CDH20: variants seen among roughly 807,000 people sequenced by gnomAD.
CDH20 encodes cadherin-20.
In CDH20, 29 loss-of-function variants were observed where a neutral mutation model predicts 74.2. That is an observed-to-expected ratio of 0.39 (90% CI 0.29 to 0.53). The LOEUF (loss-of-function observed/expected upper bound fraction) is 0.53, where lower values mean the gene tolerates loss of function less well. CDH20 is among the 20% of genes least tolerant of loss of function. The pLI, the probability that CDH20 is intolerant of heterozygous loss-of-function variation, is 0.69. For synonymous variants in CDH20, 469 were observed against 405.4 expected (o/e 1.16, Z -1.88); for missense variants, 988 against 1,048.3 (o/e 0.94, Z 0.79).
intron 8 of CDH20, among the ~76,000 whole-genome samples, chr18:61,538,579 T>TGTG (rs1555684271): frequency 6.5e-5 from 1 of 15,420 alleles, no homozygotes; most frequent in Admixed American, 1.0e-3. Flanking sequence ...AAATAACTAC[T>TGTG]TTTTGTTTGT....
At chr18:61,392,030 G>A (rs1336113073) in intron 1 of CDH20, among the ~76,000 whole-genome samples, 6 of 151,996 alleles carry the variant, frequency 3.9e-5, no homozygotes, top group Admixed American at 2.0e-4. Context: ...AATGCTAGCC[G>A]AATCTTTTGC....
chr18:61,382,406 T>C (rs1471171851), intron 1 of CDH20, among the ~76,000 whole-genome samples: 3 of 152,322 alleles, frequency 2.0e-5, no homozygotes, highest in East Asian at 3.9e-4. Context: ...TCCTAGGCTA[T>C]TTCAGCTTAC....
At position 61,444,310 on chromosome 18, in the gene CDH20, T is replaced by C. The variant is rs114820692; in HGVS notation, c.-152-46092T>C. Among the ~76,000 whole-genome samples, 699 of 152,252 alleles carry C rather than the reference T, an allele frequency of 4.6e-3. 8 individuals are homozygous for C. The highest frequency in any genetic ancestry group is 0.016 in the African/African-American group (661 of 41,540). On this transcript the variant is annotated intron_variant, in intron 1 of 11. Coordinates refer to ENST00000262717, the MANE Select transcript of CDH20 (RefSeq NM_031891.4). Reference sequence around the variant, plus strand: ...GGTATGGGTATATAAGACAGGTGTATACATTATTAGACAGATAAAACAATT... The same window carrying C: ...GGTATGGGTATATAAGACAGGTGTACACATTATTAGACAGATAAAACAATT...
At chr18:61,347,319 T>TACACAC (rs33985303) in intron 1 of CDH20, among the ~76,000 whole-genome samples, 3 of 77,400 alleles carry the variant, frequency 3.9e-5, no homozygotes, top group African/African-American at 1.2e-4. Flanking sequence ...TATATATATA[T>TACACAC]ACACACACAC....
At position 61,554,623 on chromosome 18, in the gene CDH20, G is replaced by T; in HGVS notation, c.2334G>T (p.Thr778=). ...CGGAACAGAGCTTCGACTTCCTGAC[G>T]GACTGGGGGCCCCGCTTCCGGAAGC... ...SDSEQSFDFL[T]DWGPRFRKLA... The change falls in exon 12 of 12, where the codon ACG becomes ACT. Residue 778 remains threonine (T), a synonymous_variant. Transcript: ENST00000262717. 2 of 1,605,716 alleles carry T rather than the reference G, an allele frequency of 1.2e-6. No homozygotes were observed. The highest frequency in any genetic ancestry group is 1.7e-6 in the Non-Finnish European group (2 of 1,176,748).
At position 61,474,900 on chromosome 18, in the gene CDH20, TGAA is replaced by T. The variant is rs1182267248; in HGVS notation, c.-152-15497_-152-15495del. On this transcript the variant is annotated intron_variant, in intron 1 of 11. Coordinates refer to ENST00000262717, the MANE Select transcript of CDH20 (RefSeq NM_031891.4). ...AGGCATCTGTCTTCGAGCAAAAACA[TGAA>T]GAAGGTATTAAAATACAGCATTTAT... 3.3e-5 allele frequency among the ~76,000 whole-genome samples: 5 copies of T among 152,146 alleles called. No homozygotes were observed. The South Asian group carries it at 1.0e-3, about 32-fold the overall frequency.
intron 2 of CDH20, among the ~76,000 whole-genome samples, chr18:61,495,168 CA>C (rs1287425679): frequency 2.3e-4 from 35 of 152,184 alleles, no homozygotes; most frequent in African/African-American, 8.4e-4. Flanking sequence ...TACCTTCCTC[CA>C]AATAGCTGGT....
At chr18:61,551,086 T>G (rs1159433010) in intron 11 of CDH20, among the ~76,000 whole-genome samples, 1 of 152,192 alleles carries the variant, frequency 6.6e-6, no homozygotes, top group African/African-American at 2.4e-5. Flanking sequence ...CCCTTCCTTC[T>G]TCCTCTCAAG....
chr18:61,399,576 C>T (rs1211747939), intron 1 of CDH20, among the ~76,000 whole-genome samples: 1 of 152,096 alleles, frequency 6.6e-6, no homozygotes, highest in Non-Finnish European at 1.5e-5. Context: ...CATACTACTG[C>T]CATTTTTTTC....
At chr18:61,449,750 T>G (rs1462315688) in intron 1 of CDH20, among the ~76,000 whole-genome samples, 1 of 150,958 alleles carries the variant, frequency 6.6e-6, no homozygotes, top group African/African-American at 2.4e-5. Flanking sequence ...GCCCAGATTT[T>G]AAAATAGAAA....
At chr18:61,340,223 C>CTTTTTTTTTT (rs377479758) in intron 1 of CDH20, among the ~76,000 whole-genome samples, 1 of 18,810 alleles carries the variant, frequency 5.3e-5, no homozygotes, top group Non-Finnish European at 1.4e-4. Flanking sequence ...AATCTTCAGC[C>CTTTTTTTTTT]TTCTTTTTTT....
At chr18:61,421,136 A>G (rs1444108553) in intron 1 of CDH20, among the ~76,000 whole-genome samples, 9 of 152,228 alleles carry the variant, frequency 5.9e-5, no homozygotes, top group African/African-American at 2.2e-4. Flanking sequence ...CCAAACTTAA[A>G]TAGCTAACGA....
At chr18:61,515,538 A>G (rs1025681551) in intron 6 of CDH20, among the ~76,000 whole-genome samples, 1 of 152,050 alleles carries the variant, frequency 6.6e-6, no homozygotes, top group Admixed American at 6.5e-5. Flanking sequence ...CCAAATGTCC[A>G]ACAATGATAG....
At chr18:61,472,857 A>G (rs998260690) in intron 1 of CDH20, among the ~76,000 whole-genome samples, 3 of 152,190 alleles carry the variant, frequency 2.0e-5, no homozygotes, top group African/African-American at 4.8e-5. Flanking sequence ...AAGCAAAGCA[A>G]ATTTCTTTCA....
chr18:61,349,504 GT>G (rs1192745472), intron 1 of CDH20, among the ~76,000 whole-genome samples: 1 of 152,142 alleles, frequency 6.6e-6, no homozygotes, highest in Non-Finnish European at 1.5e-5. Context: ...ACTCCATTCT[GT>G]TTTTGCCATG....
intron 1 of CDH20, among the ~76,000 whole-genome samples, chr18:61,347,321 C>CATATATATATATATATATAT (rs1286257844): frequency 3.8e-5 from 1 of 26,436 alleles, no homozygotes; most frequent in African/African-American, 1.0e-4. Context: ...TATATATATA[C>CATATATATATATATATATAT]ACACACACAC....
At chr18:61,459,344 T>A (rs1470313130) in intron 1 of CDH20, among the ~76,000 whole-genome samples, 2 of 152,198 alleles carry the variant, frequency 1.3e-5, no homozygotes, top group African/African-American at 4.8e-5. Context: ...TGTTCTGCAA[T>A]GGCAAGTTTC....
In CDH20 at chr18:61,500,435, C is replaced by T. The variant is rs770246700; in HGVS notation, c.594C>T (p.Gly198=). Residue 198 remains glycine, a synonymous_variant, in exon 4 of 12, where the codon GGC becomes GGT. Coordinates refer to ENST00000262717, the MANE Select transcript of CDH20 (RefSeq NM_031891.4). ...TATDADDPTY[G]NSARVVYSIL... ...CAGATGCAGATGACCCGACCTACGG[C>T]AACAGTGCCAGGGTGGTGTACAGCA... is the stretch of plus-strand genomic sequence containing the variant. The T allele has an allele frequency of 6.2e-6, 10 of 1,613,218 alleles. No homozygotes were observed. Among genetic ancestry groups the T allele is most frequent in the Non-Finnish European group, 8.5e-6 (10 of 1,179,376 alleles).
In CDH20 at chr18:61,554,529, C is replaced by T. The variant is rs763708857; in HGVS notation, c.2240C>T (p.Thr747Met). ...LWAPPFDSLQ[T>M]YMFEGDGSVA... ...GCACCGCCCTTCGACTCCCTCCAGACGTATATGTTCGAGGGGGACGGCTCT... is the reference window on the plus strand; with the variant it reads ...GCACCGCCCTTCGACTCCCTCCAGATGTATATGTTCGAGGGGGACGGCTCT... Residue 747 changes from threonine (T) to methionine (M), a missense_variant, in exon 12 of 12, where the codon ACG becomes ATG. Physicochemically the swap from Thr to Met is moderately conservative, Grantham distance 81. This residue lies in a region of CDH20 where 375 missense variants were observed against 293.1 expected (regional missense o/e 1.28). Transcript: ENST00000262717. 6.2e-6 allele frequency: 10 copies of T among 1,612,920 alleles called. No homozygotes were observed. The highest frequency in any genetic ancestry group is 1.7e-5 in the Admixed American group (1 of 59,960).
Sources: gnomAD v4.1 joint callset for allele counts (sites outside exome capture counted in the v4.1 genomes callset) on GRCh38, gnomAD v4.1.1 for gene constraint, gnomAD v4.1.1 regional missense constraint, MANE v1.5 for transcripts, NCBI Gene and HGNC (gene_info 2026-07-23, HGNC 2026-07-21) for gene names.